SYNDIG1: variants seen among roughly 807,000 people sequenced by gnomAD.
SYNDIG1 encodes the protein synapse differentiation inducing 1.
SYNDIG1 carries 9 observed loss-of-function variants against 19.4 expected under a neutral mutation model. The ratio of observed to expected loss-of-function variants is 0.46; its 90% CI spans 0.28 to 0.81. The LOEUF is 0.81. SYNDIG1 is among the 30% of genes least tolerant of loss of function. SYNDIG1 has a pLI of 0.12. For missense variants in SYNDIG1, 311 were observed against 343.3 expected (o/e 0.91, Z 0.74); for synonymous variants, 141 against 145.9 (o/e 0.97, Z 0.24).
chr20:24,659,913 T>G (rs1018727146), intron 3 of SYNDIG1, among the ~76,000 whole-genome samples: 4 of 152,258 alleles, frequency 2.6e-5, no homozygotes, highest in Non-Finnish European at 5.9e-5. Context: ...AATTCATTTC[T>G]AAAGTAAGGT....
chr20:24,651,607 C>T (rs191085532), intron 3 of SYNDIG1, among the ~76,000 whole-genome samples: 11 of 152,366 alleles, frequency 7.2e-5, no homozygotes, highest in Admixed American at 2.0e-4. Flanking sequence ...GACGCTTCCT[C>T]TCCTGGGCCA....
At chr20:24,645,124 C>T (rs949667941) in intron 3 of SYNDIG1, among the ~76,000 whole-genome samples, 4 of 152,152 alleles carry the variant, frequency 2.6e-5, no homozygotes, top group Non-Finnish European at 5.9e-5. Flanking sequence ...AGTTACCAAG[C>T]GTGCCTCCTG....
chr20:24,597,262 G>GTGCA (rs2058610163), intron 3 of SYNDIG1: 1 of 152,208 alleles, frequency 6.6e-6, no homozygotes, highest in Non-Finnish European at 1.5e-5. Flanking sequence ...AAGAAATAGA[G>GTGCA]TGCAGAAAAG....
chr20:24,512,507 C>T (rs944890868), intron 1 of SYNDIG1, among the ~76,000 whole-genome samples: 6 of 151,986 alleles, frequency 3.9e-5, no homozygotes, highest in African/African-American at 1.4e-4. Flanking sequence ...GTGCCTGGCT[C>T]CGAGGGTCCC....
At chr20:24,489,831 C>G (rs2056095991) in intron 1 of SYNDIG1, among the ~76,000 whole-genome samples, 1 of 152,234 alleles carries the variant, frequency 6.6e-6, no homozygotes, top group Non-Finnish European at 1.5e-5. Flanking sequence ...AGCAGCAAGT[C>G]AAGAACCAGA....
intron 2 of SYNDIG1, among the ~76,000 whole-genome samples, chr20:24,543,784 G>A (rs1600575182): frequency 6.6e-6 from 1 of 152,192 alleles, no homozygotes; most frequent in African/African-American, 2.4e-5. Flanking sequence ...GAAACCCAGG[G>A]GCGCTTCACC....
intron 3 of SYNDIG1, among the ~76,000 whole-genome samples, chr20:24,623,180 A>AG (rs1330534119): frequency 6.6e-6 from 1 of 151,690 alleles, no homozygotes; most frequent in Non-Finnish European, 1.5e-5. Context: ...CTCCGTCAAA[A>AG]AAAAAAAAGA....
intron 3 of SYNDIG1, among the ~76,000 whole-genome samples, chr20:24,597,714 A>C (rs1033166418): frequency 6.6e-6 from 1 of 152,192 alleles, no homozygotes; most frequent in Non-Finnish European, 1.5e-5. Context: ...GCCAGCGAAC[A>C]CGGGGGAAAT....
intron 2 of SYNDIG1, among the ~76,000 whole-genome samples, 171 bp downstream of exon 2, chr20:24,543,748 A>G (rs1012123329): frequency 4.6e-5 from 7 of 152,160 alleles, no homozygotes; most frequent in Non-Finnish European, 8.8e-5. Flanking sequence ...TGGAAGATAG[A>G]AGGAGAGGAA....
chr20:24,492,676 C>G (rs887466052), intron 1 of SYNDIG1, among the ~76,000 whole-genome samples: 17 of 152,176 alleles, frequency 1.1e-4, no homozygotes, highest in Non-Finnish European at 1.0e-4. Flanking sequence ...CGCTACATTG[C>G]TGGAGTGTGA....
intron 3 of SYNDIG1, among the ~76,000 whole-genome samples, chr20:24,651,870 T>A (rs1348316771): frequency 6.6e-6 from 1 of 152,138 alleles, no homozygotes; most frequent in Non-Finnish European, 1.5e-5. Context: ...GAAGTTCAGC[T>A]AGCAGTGACC....
intron 1 of SYNDIG1, among the ~76,000 whole-genome samples, chr20:24,496,357 A>T (rs934921265): frequency 2.0e-5 from 3 of 152,190 alleles, no homozygotes; most frequent in African/African-American, 7.2e-5. Flanking sequence ...ATGAACATGG[A>T]TATCTCTCCA....
chr20:24,618,279 G>T (rs560220168), intron 3 of SYNDIG1, among the ~76,000 whole-genome samples: 162 of 148,682 alleles, frequency 1.1e-3, no homozygotes, highest in African/African-American at 3.8e-3. Flanking sequence ...CGGAAGGGGG[G>T]TCCTGAGGGA....
chr20:24,572,450 G>C (rs931639541), intron 2 of SYNDIG1, among the ~76,000 whole-genome samples: 1 of 152,224 alleles, frequency 6.6e-6, no homozygotes, highest in Non-Finnish European at 1.5e-5. Flanking sequence ...GATGAGAGAT[G>C]CAGATTTAAG....
intron 3 of SYNDIG1, among the ~76,000 whole-genome samples, chr20:24,609,525 G>C (rs1287520390): frequency 6.6e-6 from 1 of 152,238 alleles, no homozygotes; most frequent in East Asian, 1.9e-4. Flanking sequence ...AGCAGAGGAT[G>C]ATGAGTCCCT....
chr20:24,567,943 G>A (rs1196616990), intron 2 of SYNDIG1, among the ~76,000 whole-genome samples: 2 of 152,164 alleles, frequency 1.3e-5, no homozygotes, highest in East Asian at 3.8e-4. Context: ...AGACCAACCT[G>A]GCCAACATGG....
intron 1 of SYNDIG1, among the ~76,000 whole-genome samples, chr20:24,536,139 T>C (rs2057357357): frequency 6.6e-6 from 1 of 152,150 alleles, no homozygotes; most frequent in African/African-American, 2.4e-5. Context: ...CGCGATGACT[T>C]GTCCCCAGCA....
chr20:24,495,743 G>A (rs934697235), intron 1 of SYNDIG1: 1 of 152,256 alleles, frequency 6.6e-6, no homozygotes, highest in East Asian at 1.9e-4. Flanking sequence ...ACTCACATGG[G>A]ATCACATTGG....
intron 1 of SYNDIG1, among the ~76,000 whole-genome samples, chr20:24,482,195 G>T (rs988687018): frequency 3.3e-5 from 5 of 152,054 alleles, no homozygotes; most frequent in Admixed American, 2.0e-4. Context: ...TTGTTTTTTG[G>T]TTTTTGTTGT....
Sources: gnomAD v4.1 joint callset for allele counts (sites outside exome capture counted in the v4.1 genomes callset) on GRCh38, gnomAD v4.1.1 for gene constraint, MANE v1.5 for transcripts, NCBI Gene and HGNC (gene_info 2026-07-23, HGNC 2026-07-21) for gene names.